The following CDH13 variants were observed in gnomAD, a reference collection of about 807,000 sequenced individuals.
The protein encoded by CDH13 is cadherin-13.
CDH13 carries 24 observed loss-of-function variants against 63.8 expected under a neutral mutation model. That is an observed-to-expected ratio of 0.38 (90% confidence interval 0.27 to 0.53). The LOEUF (loss-of-function observed/expected upper bound fraction) is 0.53. CDH13 is among the 20% of genes least tolerant of loss of function. The probability of loss-of-function intolerance (pLI) is 0.85; values close to 1 mark genes in which losing one functional copy is unlikely to be tolerated. For synonymous variants in CDH13, 503 were observed against 355.3 expected (o/e 1.42, Z -4.67); for missense variants, 1,049 against 903.1 (o/e 1.16, Z -2.07).
At chr16:83,168,052 G>A (rs752687754) in intron 4 of CDH13, among the ~76,000 whole-genome samples, 1 of 151,958 alleles carries the variant, frequency 6.6e-6, no homozygotes, top group Non-Finnish European at 1.5e-5. Context: ...CTACTAGAGT[G>A]GGGAGGGAAA....
In CDH13 at chr16:83,711,967, T is replaced by G. The variant is rs530296300; in HGVS notation, c.1538+33506T>G. On this transcript the variant is annotated intron_variant, in intron 10 of 13. Coordinates refer to ENST00000567109, the MANE Select transcript of CDH13 (RefSeq NM_001257.5). ...GTCTGAGATCAAGGTGTTGGCAGAG[T>G]TGGTTCCTTCTGAGGCCTCTCTTCT... 2.0e-5 allele frequency among the ~76,000 whole-genome samples: 3 copies of G among 152,272 alleles called. No individual in the cohort carries two copies. In the East Asian group the frequency reaches 5.8e-4, roughly 29 times the overall value.
intron 7 of CDH13, among the ~76,000 whole-genome samples, chr16:83,528,662 A>G (rs970815690): frequency 6.6e-6 from 1 of 152,206 alleles, no homozygotes; most frequent in Non-Finnish European, 1.5e-5. Context: ...TTTCCCAACT[A>G]TCTCCATCTA....
intron 5 of CDH13, among the ~76,000 whole-genome samples, chr16:83,322,576 G>T (rs922904948): frequency 6.6e-6 from 1 of 152,086 alleles, no homozygotes; most frequent in East Asian, 1.9e-4. Flanking sequence ...TTATGGGGGG[G>T]TGCAGCAGTA....
At chr16:83,701,943 A>G (rs951191766) in intron 10 of CDH13, among the ~76,000 whole-genome samples, 16 of 152,188 alleles carry the variant, frequency 1.1e-4, no homozygotes, top group Non-Finnish European at 8.8e-5. Context: ...GACTTTGGGT[A>G]AGTTACTTAA....
intron 8 of CDH13, among the ~76,000 whole-genome samples, chr16:83,659,778 C>T (rs2150835449): frequency 6.8e-6 from 1 of 147,258 alleles, no homozygotes; most frequent in Non-Finnish European, 1.5e-5. Context: ...GAGCAGCAGT[C>T]CACAACCTTT....
chr16:83,090,531 G>A (rs1048681832), intron 3 of CDH13, among the ~76,000 whole-genome samples: 5 of 147,408 alleles, frequency 3.4e-5, no homozygotes, highest in Non-Finnish European at 7.4e-5. Flanking sequence ...TCGAGATCGC[G>A]TCATTGCACT....
At chr16:83,421,447 C>A (rs912396645) in intron 6 of CDH13, among the ~76,000 whole-genome samples, 1 of 152,066 alleles carries the variant, frequency 6.6e-6, no homozygotes, top group African/African-American at 2.4e-5. Flanking sequence ...ATTAATTATC[C>A]TCTGCATGTT....
chr16:83,353,383 C>T (rs1029102041), intron 6 of CDH13, among the ~76,000 whole-genome samples: 2 of 151,656 alleles, frequency 1.3e-5, no homozygotes, highest in Non-Finnish European at 2.9e-5. Context: ...TGATGGGCAC[C>T]ATTGCACATG....
At chr16:82,634,955 A>G (rs1908474391) in intron 1 of CDH13, among the ~76,000 whole-genome samples, 1 of 152,242 alleles carries the variant, frequency 6.6e-6, no homozygotes, top group African/African-American at 2.4e-5. Context: ...CATAAGGCAG[A>G]CTGAGTCTCT....
At chr16:82,882,074 C>G (rs532553477) in intron 2 of CDH13, among the ~76,000 whole-genome samples, 1 of 152,244 alleles carries the variant, frequency 6.6e-6, no homozygotes, top group East Asian at 1.9e-4. Flanking sequence ...GAGTCCTCAG[C>G]TCAGTCTGAT....
chr16:82,796,803 G>A (rs1245870344), intron 1 of CDH13, among the ~76,000 whole-genome samples: 2 of 152,324 alleles, frequency 1.3e-5, no homozygotes, highest in East Asian at 3.9e-4. Flanking sequence ...CTTTAAGACA[G>A]GGGAATTCAG....
At chr16:82,677,412 A>T (rs1298176680) in intron 1 of CDH13, among the ~76,000 whole-genome samples, 1 of 145,224 alleles carries the variant, frequency 6.9e-6, no homozygotes, top group Non-Finnish European at 1.5e-5. Context: ...CCCTACTGAG[A>T]TTCAAAGCTA....
chr16:83,014,792 GTATA>G (rs1168959713), intron 2 of CDH13, among the ~76,000 whole-genome samples: 2 of 51,226 alleles, frequency 3.9e-5, no homozygotes, highest in Non-Finnish European at 8.2e-5. Flanking sequence ...ATATATATTT[GTATA>G]TATATATGTA....
intron 1 of CDH13, among the ~76,000 whole-genome samples, chr16:82,736,018 C>T (rs1331548005): frequency 6.6e-6 from 1 of 152,150 alleles, no homozygotes; most frequent in Non-Finnish European, 1.5e-5. Context: ...GGAAAACCTG[C>T]AAGAGTAAAA....
intron 10 of CDH13, among the ~76,000 whole-genome samples, chr16:83,685,075 G>A (rs1904292180): frequency 1.3e-5 from 2 of 152,150 alleles, no homozygotes; most frequent in African/African-American, 4.8e-5. Context: ...CAGCAGGATG[G>A]GAAATGGAGA....
chr16:83,659,116 C>G (rs1398682830), intron 8 of CDH13, among the ~76,000 whole-genome samples: 1 of 148,970 alleles, frequency 6.7e-6, no homozygotes, highest in South Asian at 2.2e-4. Flanking sequence ...CCCATATCCT[C>G]ACCACCAGGT....
chr16:82,858,420 T>G lies in CDH13; in HGVS notation c.104T>G (p.Val35Gly). 2 of 1,613,904 alleles carry G rather than the reference T, an allele frequency of 1.2e-6. No homozygotes were observed. Among genetic ancestry groups the G allele is most frequent in the Non-Finnish European group, 1.7e-6 (2 of 1,179,760 alleles). ...TGCACTCCTGGATTTCAGCAGAAAG[T>G]GTTCCATATCAATCAGCCAGCTGAA... Reference protein sequence around the residue: ...LDCTPGFQQKVFHINQPAEFI... With the variant: ...LDCTPGFQQKGFHINQPAEFI... The change falls in exon 2 of 14, where the codon GTG becomes GGG. Residue 35 changes from valine to glycine, a missense_variant. Transcript: ENST00000567109.
At chr16:83,508,091 G>GGAAGGAAGGAAGGAAGGAAGGAAA (rs1230822159) in intron 7 of CDH13, among the ~76,000 whole-genome samples, 2 of 63,504 alleles carry the variant, frequency 3.1e-5, no homozygotes, top group Non-Finnish European at 6.8e-5. Flanking sequence ...AAGGAAGGAA[G>GGAAGGAAGGAAGGAAGGAAGGAAA]GAAGGAAAGA....
At chr16:82,978,485 C>T (rs1297480222) in intron 2 of CDH13, among the ~76,000 whole-genome samples, 1 of 152,222 alleles carries the variant, frequency 6.6e-6, no homozygotes, top group Admixed American at 6.5e-5. Context: ...CCAAGTCTCC[C>T]CTGCTTTGTG....
Sources: allele counts gnomAD v4.1 joint callset (sites outside exome capture counted in the v4.1 genomes callset), GRCh38; gene constraint gnomAD v4.1.1; transcripts MANE v1.5; gene names NCBI Gene and HGNC (gene_info 2026-07-23, HGNC 2026-07-21).